TRERF1: variants seen among roughly 807,000 people sequenced by gnomAD.
The protein encoded by TRERF1 is transcriptional regulating factor 1.
A neutral mutation model predicts 122.9 loss-of-function variants in TRERF1; 27 were observed. That is an observed-to-expected ratio of 0.22 (90% CI 0.16 to 0.30). The LOEUF (loss-of-function observed/expected upper bound fraction) is 0.30. Among genes scored for constraint, TRERF1 ranks in the 10% least tolerant of loss-of-function variants. The pLI is 1.00. For synonymous variants in TRERF1, 636 were observed against 641.7 expected (o/e 0.99, Z 0.13); for missense variants, 1,248 against 1,560.3 (o/e 0.80, Z 3.37).
At chr6:42,445,777 A>C (rs993105107) in intron 2 of TRERF1, among the ~76,000 whole-genome samples, 1 of 151,090 alleles carries the variant, frequency 6.6e-6, no homozygotes, top group Non-Finnish European at 1.5e-5. Flanking sequence ...CTCTCCATGC[A>C]CCTCCTTCGC....
At chr6:42,423,545 C>T (rs1267614624) in intron 2 of TRERF1, among the ~76,000 whole-genome samples, 2 of 152,128 alleles carry the variant, frequency 1.3e-5, no homozygotes, top group Non-Finnish European at 2.9e-5. Flanking sequence ...GATCTCCCAG[C>T]ACCACCTTGC....
intron 3 of TRERF1, among the ~76,000 whole-genome samples, chr6:42,312,065 T>C (rs1309282216): frequency 1.3e-5 from 2 of 152,204 alleles, no homozygotes; most frequent in African/African-American, 4.8e-5. Flanking sequence ...CTGAGTTCCA[T>C]GATCAACTTG....
chr6:42,328,586 G>A (rs1764719022), intron 3 of TRERF1, among the ~76,000 whole-genome samples: 1 of 152,162 alleles, frequency 6.6e-6, no homozygotes, highest in African/African-American at 2.4e-5. Flanking sequence ...TTTCATGTGA[G>A]AACATGCGGT....
At chr6:42,441,728 G>A (rs1023451553) in intron 2 of TRERF1, among the ~76,000 whole-genome samples, 1 of 152,106 alleles carries the variant, frequency 6.6e-6, no homozygotes, top group Non-Finnish European at 1.5e-5. Context: ...GCACTAACTA[G>A]TGTCAGGCTC....
At chr6:42,265,662 T>C in intron 6 of TRERF1, 89 bp downstream of exon 6, 5 of 1,343,338 alleles carry the variant, frequency 3.7e-6, no homozygotes, top group Non-Finnish European at 5.2e-6. Context: ...CTTTGAGGAA[T>C]GACTTGGAAT....
At chr6:42,236,476 A>G in intron 15 of TRERF1, 65 bp from the exon 16 acceptor site, 1 of 1,524,110 alleles carries the variant, frequency 6.6e-7, no homozygotes, top group Non-Finnish European at 8.8e-7. Context: ...TGATGAACAG[A>G]ACTCACAGAT....
intron 2 of TRERF1, among the ~76,000 whole-genome samples, chr6:42,428,163 G>C (rs1206226916): frequency 6.6e-6 from 1 of 152,198 alleles, no homozygotes; most frequent in East Asian, 1.9e-4. Flanking sequence ...TAAGCTACAG[G>C]CCCAGACTGA....
exon 18 of TRERF1, chr6:42,226,555 T>C (rs1177621798): frequency 2.6e-5 from 4 of 152,144 alleles, no homozygotes; most frequent in Non-Finnish European, 5.9e-5. Context: ...TTTCCCCCTC[T>C]AAACAAAAGA....
At chr6:42,391,816 T>C (rs1464673752) in intron 2 of TRERF1, among the ~76,000 whole-genome samples, 1 of 152,156 alleles carries the variant, frequency 6.6e-6, no homozygotes, top group Non-Finnish European at 1.5e-5. Context: ...CTACCTAATT[T>C]GAGTTTACCA....
Position 42,308,159 on chromosome 6 carries a change from T to C in TRERF1, c.-370-7410A>G, listed in dbSNP as rs1487247922. On this transcript the variant is annotated intron_variant, in intron 3 of 17. Transcript: ENST00000372922. ...CGAAAATGGGTACTCCAACAGAAAC[T>C]TGCACACAAATGTTCCTAGAAACAT... Among the ~76,000 whole-genome samples, 3 of 152,118 alleles carry C rather than the reference T, an allele frequency of 2.0e-5. No homozygotes were observed. The East Asian group carries it at 5.8e-4, about 29-fold the overall frequency.
At chr6:42,242,051 T>C (rs896904969) in intron 15 of TRERF1, among the ~76,000 whole-genome samples, 28 of 152,212 alleles carry the variant, frequency 1.8e-4, no homozygotes, top group African/African-American at 6.3e-4. Context: ...GCTATGATCA[T>C]GCCGCTGCAT....
intron 2 of TRERF1, among the ~76,000 whole-genome samples, chr6:42,377,794 AT>A (rs1467654014): frequency 6.6e-6 from 1 of 152,148 alleles, no homozygotes; most frequent in Non-Finnish European, 1.5e-5. Flanking sequence ...TTCCGAGGGA[AT>A]GTTCAGTGCC....
At chr6:42,282,406 G>A (rs1370363594) in intron 4 of TRERF1, among the ~76,000 whole-genome samples, 1 of 152,154 alleles carries the variant, frequency 6.6e-6, no homozygotes, top group African/African-American at 2.4e-5. Context: ...AAATCAGCCA[G>A]GTGTGGTGGT....
chr6:42,321,925 T>C (rs1455382336), intron 3 of TRERF1, among the ~76,000 whole-genome samples: 2 of 152,256 alleles, frequency 1.3e-5, no homozygotes, highest in Non-Finnish European at 2.9e-5. Flanking sequence ...TCTGCTAGTT[T>C]TTCAGCCTTT....
At chr6:42,392,282 A>G (rs1216233538) in intron 2 of TRERF1, among the ~76,000 whole-genome samples, 1 of 152,220 alleles carries the variant, frequency 6.6e-6, no homozygotes, top group African/African-American at 2.4e-5. Context: ...CTCAATCATG[A>G]CCAAGTCACT....
chr6:42,352,437 T>G (rs1769642776), intron 3 of TRERF1, among the ~76,000 whole-genome samples: 1 of 152,268 alleles, frequency 6.6e-6, no homozygotes, highest in South Asian at 2.1e-4. Context: ...TAAAATGTAT[T>G]TGATTTGACC....
intron 3 of TRERF1, among the ~76,000 whole-genome samples, chr6:42,305,658 G>A (rs1787075031): frequency 6.6e-6 from 1 of 152,032 alleles, no homozygotes; most frequent in Admixed American, 6.6e-5. Flanking sequence ...CTATGAAGCA[G>A]GACCAAATGA....
At position 42,445,365 on chromosome 6, in the gene TRERF1, C is replaced by G. The variant is rs558337602; in HGVS notation, c.-454+5812G>C. ...CACTACACACACAGACACACACACA[C>G]ACACACACACACACACACACACACA... On this transcript the variant is annotated intron_variant, in intron 2 of 17. Transcript: ENST00000372922. 1.3e-3 allele frequency among the ~76,000 whole-genome samples: 203 copies of G among 151,484 alleles called. 2 individuals are homozygous for G. The East Asian group carries it at 0.02, about 15-fold the overall frequency.
At position 42,259,173 on chromosome 6, in the gene TRERF1, A is replaced by G. The variant is rs1777321141; in HGVS notation, c.2269+166T>C. ...ATTAGACTGCGATTCCCTTGAGGATAAGGGCTATGTATTCCAAGTCTTTCT... is the reference window on the plus strand; with the variant it reads ...ATTAGACTGCGATTCCCTTGAGGATGAGGGCTATGTATTCCAAGTCTTTCT... On this transcript the variant is annotated intron_variant, in intron 9 of 17. Coordinates refer to ENST00000372922, the Ensembl canonical transcript of TRERF1. This position sits in a 1 kb window ranked among gnomAD's most constrained non-coding sequence, Gnocchi z 4.9. Among the ~76,000 whole-genome samples the G allele has an allele frequency of 6.6e-6, 1 of 152,176 alleles. No individual in the cohort carries two copies. The highest frequency in any genetic ancestry group is 1.5e-5 in the Non-Finnish European group (1 of 68,026).
Sources: allele counts gnomAD v4.1 joint callset (sites outside exome capture counted in the v4.1 genomes callset), GRCh38; gene constraint gnomAD v4.1.1; non-coding constraint Gnocchi (gnomAD v3.1); transcripts MANE v1.5; gene names NCBI Gene and HGNC (gene_info 2026-07-23, HGNC 2026-07-21).